ELP2: variants seen among roughly 807,000 people sequenced by gnomAD.
ELP2 encodes elongator complex protein 2.
A neutral mutation model predicts 119.2 loss-of-function variants in ELP2; 90 were observed. The observed-to-expected ratio is 0.75, with a 90% confidence interval of 0.64 to 0.90. The LOEUF (loss-of-function observed/expected upper bound fraction) is 0.90, where lower values mean the gene tolerates loss of function less well. Ranked by LOEUF, ELP2 falls within the 40% of genes least tolerant of loss-of-function variation. The pLI, the probability that ELP2 is intolerant of heterozygous loss-of-function variation, is 0.00. For synonymous variants in ELP2, 339 were observed against 331.0 expected, an observed-to-expected ratio of 1.02 and a Z score of -0.26; for missense variants, 921 against 967.8, an observed-to-expected ratio of 0.95 and a Z score of 0.64.
intron 1 of ELP2, 57 bp downstream of exon 1, chr18:36,130,128 G>C: frequency 1.9e-6 from 3 of 1,610,484 alleles, no homozygotes; most frequent in Non-Finnish European, 2.5e-6. Flanking sequence ...ACCTGTGGAC[G>C]TGCTCCGGGC....
chr18:36,170,649 C>T (rs973482222), intron 20 of ELP2, among the ~76,000 whole-genome samples: 2 of 152,146 alleles, frequency 1.3e-5, no homozygotes, highest in African/African-American at 4.8e-5. Context: ...TTATGTTTCT[C>T]ATAATAATTT....
chr18:36,131,908 T>G (rs997932221), intron 1 of ELP2, among the ~76,000 whole-genome samples: 1 of 151,102 alleles, frequency 6.6e-6, no homozygotes, highest in Non-Finnish European at 1.5e-5. Flanking sequence ...TACTTTGTCC[T>G]GTTAAATATT....
chr18:36,136,260 G>T, intron 2 of ELP2, 47 bp from the exon 3 acceptor site: 2 of 1,446,034 alleles, frequency 1.4e-6, no homozygotes, highest in East Asian at 2.3e-5. Flanking sequence ...TTTAAAAATT[G>T]CAGAAAAAAT....
chr18:36,163,912 G>A (rs185664302), intron 17 of ELP2, among the ~76,000 whole-genome samples: 160 of 152,144 alleles, frequency 1.1e-3, no homozygotes, highest in African/African-American at 3.6e-3. Flanking sequence ...CCTTTATTTT[G>A]CATTTTAGAA....
chr18:36,133,897 G>T lies in ELP2; in HGVS notation c.217+581G>T, dbSNP rs1479671307. ...ACCACGCCTTTCTAGTTTTTTAGGGGTTTTTTTTTTTTTTTTTTTTTTTTT... is the reference window on the plus strand; with the variant it reads ...ACCACGCCTTTCTAGTTTTTTAGGGTTTTTTTTTTTTTTTTTTTTTTTTTT... On this transcript the variant is annotated intron_variant, in intron 2 of 21. Transcript: ENST00000358232. Among the ~76,000 whole-genome samples the T allele has an allele frequency of 3.7e-3, 225 of 60,824 alleles. 2 individuals carry two copies. Among genetic ancestry groups the T allele is most frequent in the African/African-American group, 0.015 (213 of 13,808 alleles). 39.9% of individuals were successfully genotyped at this position (60,824 alleles called of 152,430 possible). A position where few individuals can be genotyped will look rare whatever the true frequency, so the allele number is the denominator to read the frequency against.
rs781169609 is a variant in ELP2 at position 36,141,201 on chromosome 18, G to A, written c.588G>A (p.Gln196=). 12 of 1,607,332 alleles carry A rather than the reference G, an allele frequency of 7.5e-6. No homozygotes were observed. The highest frequency in any genetic ancestry group is 4.3e-6 in the Non-Finnish European group (5 of 1,173,980). ...RIHIFAQQND[Q]FQKVLSLCGH... is the part of the protein sequence containing the mutation. ...ACATATTTGCTCAACAAAATGATCA[G>A]GTAATAATGTTTATATTAAGAGGCT... Residue 196 remains glutamine (Q), a splice_region_variant and synonymous_variant, in exon 6 of 22, where the codon CAG becomes CAA. Coordinates refer to ENST00000358232, the MANE Select transcript of ELP2 (RefSeq NM_018255.4).
At position 36,138,415 on chromosome 18, in the gene ELP2, A is replaced by G; in HGVS notation, c.434A>G (p.Lys145Arg). The G allele has an allele frequency of 1.2e-6, 2 of 1,614,082 alleles. No individual in the cohort carries two copies. Among genetic ancestry groups the G allele is most frequent in the Non-Finnish European group, 1.7e-6 (2 of 1,179,980 alleles). The change falls in exon 4 of 22, where the codon AAG becomes AGG. Residue 145 changes from lysine to arginine, a missense_variant. By Grantham distance (26) the Lys-to-Arg change is conservative. Coordinates refer to ENST00000358232, the MANE Select transcript of ELP2 (RefSeq NM_018255.4). The part of the protein sequence containing the change: ...ADSAVRLWSK[K>R]GPEVMCLQTL... ...TCTGCTGTTCGACTCTGGTCTAAAA[A>G]GGGTCCAGAAGGTAGGTTTGGAGAC...
At chr18:36,138,940 A>G in intron 5 of ELP2, 68 bp downstream of exon 5, 1 of 1,175,704 alleles carries the variant, frequency 8.5e-7, no homozygotes, top group Admixed American at 1.7e-5. Context: ...ATTAGAACCT[A>G]AAAGAAATGT....
At chr18:36,134,197 GAAGT>G (rs929481345) in intron 2 of ELP2, among the ~76,000 whole-genome samples, 4 of 152,230 alleles carry the variant, frequency 2.6e-5, no homozygotes, top group African/African-American at 7.2e-5. Flanking sequence ...TAACATGTGA[GAAGT>G]AAGAGATTGG....
rs771445617 is a variant in ELP2, at chr18:36,144,948, T to G, written c.806T>G (p.Ile269Arg). 6.2e-7 allele frequency: 1 copy of G among 1,613,244 alleles called. No individual in the cohort carries two copies. The highest frequency in any genetic ancestry group is 8.5e-7 in the Non-Finnish European group (1 of 1,179,190). ...TFTIENESVK[I>R]AFAVTLETVL... is the part of the protein sequence containing the mutation. ...ATTGCTTTTGTTATAGGTGTTAAAA[T>G]AGCATTTGCTGTTACTCTGGAGACA... Residue 269 changes from isoleucine to arginine, a missense_variant, in exon 9 of 22, where the codon ATA becomes AGA. By Grantham distance (97) the Ile-to-Arg change is moderately conservative (BLOSUM62 -3). Transcript: ENST00000358232.
chr18:36,147,389 A>G (rs1308455042), intron 11 of ELP2, among the ~76,000 whole-genome samples: 1 of 145,242 alleles, frequency 6.9e-6, no homozygotes, highest in Non-Finnish European at 1.5e-5. Flanking sequence ...TGGATTGTTA[A>G]TATTACCTAC....
At position 36,154,841 on chromosome 18, in the gene ELP2, C is replaced by A. The variant is rs752306685; in HGVS notation, c.1126-9C>A. ...ATTTTGATATGTGATATGAGCACTT[C>A]CATTGCAGAGAGAGTGGACTCCAGA... On this transcript the variant is annotated splice_polypyrimidine_tract_variant and intron_variant, in intron 11 of 21. Transcript: ENST00000358232. The A allele has an allele frequency of 7.4e-6, 12 of 1,613,922 alleles. No homozygotes were observed. The highest frequency in any genetic ancestry group is 1.7e-5 in the Admixed American group (1 of 60,024).
At chr18:36,172,572 C>T (rs1376516237) in intron 21 of ELP2, among the ~76,000 whole-genome samples, 2 of 152,192 alleles carry the variant, frequency 1.3e-5, no homozygotes, top group African/African-American at 2.4e-5. Flanking sequence ...CTGGGTTTAG[C>T]AGTTGAACTA....
chr18:36,179,170 C>G lies in ELP2; in HGVS notation c.*4529C>G, dbSNP rs1356132999. ...GCCCCACTCTGGTGGACTCAGAGATCTGGGACCCGGGCCGGGCGTGGTGGC... is the reference window on the plus strand; with the variant it reads ...GCCCCACTCTGGTGGACTCAGAGATGTGGGACCCGGGCCGGGCGTGGTGGC... On this transcript the variant is annotated 3_prime_UTR_variant, in exon 22 of 22. Transcript: ENST00000358232. 1.3e-5 allele frequency: 2 copies of G among 150,640 alleles called. No individual in the cohort carries two copies. Among genetic ancestry groups the G allele is most frequent in the East Asian group, 3.9e-4 (2 of 5,066 alleles). The allele number at this position is 150,640 out of a possible 1,614,324, so 9.3% of individuals were successfully genotyped here. A position where few individuals can be genotyped will look rare whatever the true frequency, so the allele number is the denominator to read the frequency against.
At chr18:36,151,909 G>A (rs556715819) in intron 11 of ELP2, among the ~76,000 whole-genome samples, 4 of 151,416 alleles carry the variant, frequency 2.6e-5, no homozygotes, top group South Asian at 4.2e-4. Context: ...CACCATGCCC[G>A]GCTAATTTTT....
chr18:36,130,024 C>T lies in ELP2; in HGVS notation c.91C>T (p.Leu31Phe), dbSNP rs777286978. Reference sequence around the variant, plus strand: ...GAACTGGAGCTCTGGGCCCAGAGGACTTCTGGCCTTTGGCACGTCCTGCTC... The same window carrying T: ...GAACTGGAGCTCTGGGCCCAGAGGATTTCTGGCCTTTGGCACGTCCTGCTC... ...VLNWSSGPRGLLAFGTSCSVV... is the reference protein window; with the variant it reads ...VLNWSSGPRGFLAFGTSCSVV... Residue 31 changes from leucine (L) to phenylalanine (F), a missense_variant, in exon 1 of 22, where the codon CTT becomes TTT. Physicochemically the swap from Leu to Phe is conservative, Grantham distance 22. Transcript: ENST00000358232. 9 of 1,614,068 alleles carry T rather than the reference C, an allele frequency of 5.6e-6. No individual in the cohort carries two copies. In the African/African-American group the frequency reaches 1.1e-4, roughly 19 times the overall value.
chr18:36,138,570 C>T (rs1302310673), intron 4 of ELP2, 144 bp downstream of exon 4: 4 of 1,063,428 alleles, frequency 3.8e-6, no homozygotes, highest in Non-Finnish European at 5.4e-6. Flanking sequence ...TTCTTTTGCA[C>T]TTATTTAAAA....
At position 36,179,075 on chromosome 18, in the gene ELP2, A is replaced by G. The variant is rs2091281601; in HGVS notation, c.*4434A>G. The stretch of plus-strand genomic sequence containing the variant: ...ACAAGAGACTGGCACTCCAAGGACA[A>G]TGAGGCTGAGGCCAGAAGAGAGACA... On this transcript the variant is annotated 3_prime_UTR_variant, in exon 22 of 22. Transcript: ENST00000358232. 6.6e-6 allele frequency: 1 copy of G among 152,536 alleles called. No individual in the cohort carries two copies. The highest frequency in any genetic ancestry group is 1.5e-5 in the Non-Finnish European group (1 of 68,128). The allele number at this position is 152,536 out of a possible 1,614,324, so 9.4% of individuals were successfully genotyped here.
chr18:36,139,384 C>T, intron 5 of ELP2: 15 of 1,519,808 alleles, frequency 9.9e-6, no homozygotes, highest in Non-Finnish European at 1.3e-5. Flanking sequence ...AAGATAATAG[C>T]CAGTGTGAGT....
Sources: allele counts gnomAD v4.1 joint callset (sites outside exome capture counted in the v4.1 genomes callset), GRCh38; gene constraint gnomAD v4.1.1; transcripts MANE v1.5; gene names NCBI Gene and HGNC (gene_info 2026-07-23, HGNC 2026-07-21).